RAD51AP1: variants seen among roughly 807,000 people sequenced by gnomAD.
The protein encoded by RAD51AP1 is RAD51 associated protein 1.
In RAD51AP1, 14 loss-of-function variants were observed where a neutral mutation model predicts 34.3. That is an observed-to-expected ratio of 0.41 (90% CI 0.27 to 0.64). The LOEUF is 0.64. RAD51AP1 is among the 30% of genes least tolerant of loss of function. RAD51AP1 has a pLI of 0.33. For missense variants in RAD51AP1, 348 were observed against 386.9 expected, an observed-to-expected ratio of 0.90 and a Z score of 0.84; for synonymous variants, 114 against 129.8, an observed-to-expected ratio of 0.88 and a Z score of 0.83.
Position 4,546,334 on chromosome 12 carries a change from CAG to C in RAD51AP1, c.241_242del (p.Asp81LeufsTer18). ...KRMALDDKLYQRDLEVALALS... is the reference protein window; with the variant it reads ...KRMALDDKLYXRDLEVALALS... The stretch of plus-strand genomic sequence containing the variant: ...GATGGCTTTAGATGACAAGCTCTAC[CAG>C]AGAGACTTAGAAGTTGCACTAGCTT... On this transcript the variant is annotated frameshift_variant, in exon 4 of 9. Transcript: ENST00000352618. LOFTEE classifies it high-confidence loss of function. 6.2e-7 allele frequency: 1 copy of C among 1,611,550 alleles called. No homozygotes were observed. The highest frequency in any genetic ancestry group is 8.5e-7 in the Non-Finnish European group (1 of 1,178,950).
intron 1 of RAD51AP1, among the ~76,000 whole-genome samples, chr12:4,540,666 A>G (rs1944460201): frequency 6.6e-6 from 1 of 152,090 alleles, no homozygotes; most frequent in African/African-American, 2.4e-5. Flanking sequence ...TAGGCTATTG[A>G]TTTTATTTTA....
In RAD51AP1 at chr12:4,560,000, T is replaced by C. The variant is rs1037733389; in HGVS notation, c.*1007T>C. 4 of 152,256 alleles carry C rather than the reference T, an allele frequency of 2.6e-5. No individual in the cohort carries two copies. The highest frequency in any genetic ancestry group is 9.6e-5 in the African/African-American group (4 of 41,464). The allele number at this position is 152,256 out of a possible 1,614,324, so 9.4% of individuals were successfully genotyped here. ...TGGTTTATGGAAATATCTATATTAA[T>C]GTGAAAATAATTAATTTAGAATTGT... is the stretch of plus-strand genomic sequence containing the variant. On this transcript the variant is annotated 3_prime_UTR_variant, in exon 9 of 9. Coordinates refer to ENST00000352618, the MANE Select transcript of RAD51AP1 (RefSeq NM_006479.5).
At chr12:4,547,199 C>T (rs527870465) in intron 4 of RAD51AP1, among the ~76,000 whole-genome samples, 16 of 152,318 alleles carry the variant, frequency 1.1e-4, no homozygotes, top group Non-Finnish European at 1.9e-4. Context: ...TCCTGAGTAG[C>T]CGGGACTACA....
intron 7 of RAD51AP1, among the ~76,000 whole-genome samples, chr12:4,554,489 A>G (rs1431592118): frequency 1.3e-5 from 2 of 152,224 alleles, no homozygotes; most frequent in African/African-American, 4.8e-5. Flanking sequence ...ACTACAAGCT[A>G]TAATAGGAAA....
At chr12:4,556,326 C>T (rs778837397) in intron 7 of RAD51AP1, 27 bp from the exon 8 acceptor site, 6 of 1,566,284 alleles carry the variant, frequency 3.8e-6, no homozygotes, top group South Asian at 1.1e-5. Flanking sequence ...GCATGACAAA[C>T]ATTTTTACGT....
At chr12:4,548,945 C>T in intron 6 of RAD51AP1, 109 bp downstream of exon 6, 1 of 1,196,930 alleles carries the variant, frequency 8.4e-7, no homozygotes, top group Admixed American at 2.3e-5. Flanking sequence ...GGTGTGCAAA[C>T]TTCAGGGACA....
intron 3 of RAD51AP1, among the ~76,000 whole-genome samples, chr12:4,544,117 A>G (rs1211167218): frequency 1.3e-5 from 2 of 152,150 alleles, no homozygotes; most frequent in Non-Finnish European, 2.9e-5. Flanking sequence ...AAATATTAAG[A>G]CAATAATGAT....
Position 4,556,381 on chromosome 12 carries a change from C to T in RAD51AP1, c.750C>T (p.Ala250=), listed in dbSNP as rs372130453. The change falls in exon 8 of 9, where the codon GCC becomes GCT. Residue 250 remains alanine (A), a synonymous_variant. Coordinates refer to ENST00000352618, the MANE Select transcript of RAD51AP1 (RefSeq NM_006479.5). ...CTTCGGTGGACTCTGCTCCAGCTGC[C>T]GTCAAATCAGAATCTCAGTCCTTGC... is the stretch of plus-strand genomic sequence containing the variant. ...LVTSVDSAPA[A]VKSESQSLPK... is the part of the protein sequence containing the mutation. 2.4e-5 allele frequency: 38 copies of T among 1,613,442 alleles called. No homozygotes were observed. The African/African-American group carries it at 2.5e-4, about 11-fold the overall frequency.
intron 3 of RAD51AP1, chr12:4,545,670 C>A: frequency 1.9e-6 from 2 of 1,039,436 alleles, no homozygotes; most frequent in South Asian, 1.9e-5. Flanking sequence ...ACGTTTTCTT[C>A]CTCTTATACT....
At chr12:4,546,118 G>A (rs532098293) in intron 3 of RAD51AP1, among the ~76,000 whole-genome samples, 191 bp from the exon 4 acceptor site, 5 of 151,786 alleles carry the variant, frequency 3.3e-5, no homozygotes, top group Non-Finnish European at 7.4e-5. Flanking sequence ...CTCTTATTCT[G>A]TATGTAACAT....
At chr12:4,547,908 T>C (rs894765738) in intron 4 of RAD51AP1, among the ~76,000 whole-genome samples, 184 bp from the exon 5 acceptor site, 1 of 152,220 alleles carries the variant, frequency 6.6e-6, no homozygotes, top group Non-Finnish European at 1.5e-5. Flanking sequence ...AATTTAAACA[T>C]GTTAGATTTC....
At chr12:4,545,899 A>C in intron 3 of RAD51AP1, 1 of 1,547,380 alleles carries the variant, frequency 6.5e-7, no homozygotes, top group South Asian at 1.2e-5. Context: ...AAATGATAAT[A>C]ATTTTAATTT....
chr12:4,545,684 T>C, intron 3 of RAD51AP1: 1 of 1,294,424 alleles, frequency 7.7e-7, no homozygotes, highest in Non-Finnish European at 1.1e-6. Context: ...TTATACTCCA[T>C]AGCACTTTTG....
intron 3 of RAD51AP1, chr12:4,545,111 A>G (rs1470138612): frequency 2.3e-5 from 9 of 386,252 alleles, no homozygotes; most frequent in Non-Finnish European, 4.6e-5. Context: ...GAATGTTCAC[A>G]GCAACATTAT....
chr12:4,545,962 GT>G lies in RAD51AP1; in HGVS notation c.210-343del, dbSNP rs1007987333. On this transcript the variant is annotated intron_variant, in intron 3 of 8. Transcript: ENST00000352618. ...GGGGAGTGGGTGAGGTCAAGGAAGA[GT>G]TTTAAGTGGAAGTGATGTTTGAACC... is the stretch of plus-strand genomic sequence containing the variant. 1.3e-5 allele frequency: 14 copies of G among 1,081,560 alleles called. No homozygotes were observed. The African/African-American group carries it at 2.1e-4, about 16-fold the overall frequency. 67.0% of individuals were successfully genotyped at this position (1,081,560 alleles called of 1,614,324 possible). A position where few individuals can be genotyped will look rare whatever the true frequency, so the allele number is the denominator to read the frequency against.
chr12:4,556,506 T>C lies in RAD51AP1; in HGVS notation c.871+4T>C, dbSNP rs753897389. On this transcript the variant is annotated splice_donor_region_variant and intron_variant, in intron 8 of 8. Coordinates refer to ENST00000352618, the MANE Select transcript of RAD51AP1 (RefSeq NM_006479.5). ...AAACCTAAATGGGTCCCACCAGGTATGGCATATTTATCATCAAGGACAGGA... is the reference window on the plus strand; with the variant it reads ...AAACCTAAATGGGTCCCACCAGGTACGGCATATTTATCATCAAGGACAGGA... The C allele has an allele frequency of 3.7e-6, 6 of 1,611,312 alleles. No homozygotes were observed. Among genetic ancestry groups the C allele is most frequent in the African/African-American group, 2.7e-5 (2 of 74,702 alleles).
chr12:4,552,005 G>C (rs970603511), intron 6 of RAD51AP1, among the ~76,000 whole-genome samples: 4 of 152,110 alleles, frequency 2.6e-5, no homozygotes, highest in Non-Finnish European at 5.9e-5. Context: ...GGGGACAATA[G>C]TGGTTATCTC....
intron 7 of RAD51AP1, among the ~76,000 whole-genome samples, chr12:4,555,701 A>G (rs969842138): frequency 6.6e-6 from 1 of 152,118 alleles, no homozygotes; most frequent in African/African-American, 2.4e-5. Context: ...AGCTTCTCTC[A>G]ATTCACCTTT....
intron 8 of RAD51AP1, among the ~76,000 whole-genome samples, chr12:4,557,168 CTT>C (rs1171420217): frequency 2.6e-5 from 4 of 152,200 alleles, no homozygotes; most frequent in Non-Finnish European, 5.9e-5. Flanking sequence ...AATTGAAACA[CTT>C]TTTGTCTCTC....
Sources: allele counts gnomAD v4.1 joint callset (sites outside exome capture counted in the v4.1 genomes callset), GRCh38; gene constraint gnomAD v4.1.1; transcripts MANE v1.5; gene names NCBI Gene and HGNC (gene_info 2026-07-23, HGNC 2026-07-21).